ARSB: variants seen among roughly 807,000 people sequenced by gnomAD.
The protein encoded by ARSB is arylsulfatase B, also known as N-acetylgalactosamine-4-sulfatase.
In ARSB, 41 loss-of-function variants were observed where a neutral mutation model predicts 50.9. The ratio of observed to expected loss-of-function variants is 0.81; its 90% CI spans 0.63 to 1.04. ARSB has a LOEUF of 1.04. Among genes scored for constraint, ARSB ranks in the 50% least tolerant of loss-of-function variants. The pLI is 0.00. For missense variants in ARSB, 672 were observed against 693.3 expected (o/e 0.97, Z 0.35); for synonymous variants, 269 against 284.8 (o/e 0.94, Z 0.56).
At chr5:78,968,971 C>T (rs751469683) in intron 2 of ARSB, 35 bp downstream of exon 2, 2 of 1,610,616 alleles carry the variant, frequency 1.2e-6, no homozygotes, top group Non-Finnish European at 8.5e-7. Flanking sequence ...TGCAGTTAGT[C>T]TAAGTTGTTA....
intron 4 of ARSB, among the ~76,000 whole-genome samples, chr5:78,891,469 T>A (rs1358089731): frequency 5.9e-5 from 9 of 152,168 alleles, no homozygotes; most frequent in African/African-American, 2.2e-4. Context: ...CTTTAACACA[T>A]CTTTCTTGAG....
intron 4 of ARSB, among the ~76,000 whole-genome samples, chr5:78,930,103 A>C (rs1750252789): frequency 6.6e-6 from 1 of 152,124 alleles, no homozygotes; most frequent in African/African-American, 2.4e-5. Context: ...CCCACTACTC[A>C]GCCTGCTCTA....
intron 4 of ARSB, among the ~76,000 whole-genome samples, chr5:78,912,102 A>T (rs1367916414): frequency 6.6e-6 from 1 of 152,218 alleles, no homozygotes; most frequent in Non-Finnish European, 1.5e-5. Context: ...GGCTTTCATC[A>T]ATTCTGAAAC....
intron 6 of ARSB, among the ~76,000 whole-genome samples, chr5:78,800,778 T>C (rs1228298103): frequency 6.6e-6 from 1 of 152,178 alleles, no homozygotes; most frequent in Non-Finnish European, 1.5e-5. Context: ...CATTAATTAC[T>C]TTGAAGAGTA....
At chr5:78,903,028 A>T (rs1480680222) in intron 4 of ARSB, among the ~76,000 whole-genome samples, 1 of 152,240 alleles carries the variant, frequency 6.6e-6, no homozygotes, top group Admixed American at 6.5e-5. Context: ...AACAGAGAAT[A>T]GGTCTTAGAA....
In ARSB at chr5:78,818,862, T is replaced by C. The variant is rs901798709; in HGVS notation, c.1213+20494A>G. 3.3e-5 allele frequency among the ~76,000 whole-genome samples: 5 copies of C among 152,212 alleles called. No individual in the cohort carries two copies. In the East Asian group the frequency reaches 5.8e-4, roughly 18 times the overall value. On this transcript the variant is annotated intron_variant, in intron 6 of 7. Coordinates refer to ENST00000264914, the MANE Select transcript of ARSB (RefSeq NM_000046.5). ...TTAAGCAACCTTGCTCAATCCTCTTTTTAGGACTAACTTGATTCTGTTTTG... is the reference window on the plus strand; with the variant it reads ...TTAAGCAACCTTGCTCAATCCTCTTCTTAGGACTAACTTGATTCTGTTTTG...
chr5:78,819,397 CTG>C (rs1744124383), intron 6 of ARSB, among the ~76,000 whole-genome samples: 1 of 152,174 alleles, frequency 6.6e-6, no homozygotes. Context: ...GACAAAAAGA[CTG>C]TGGGTGGGAA....
intron 4 of ARSB, among the ~76,000 whole-genome samples, chr5:78,906,385 T>C (rs1196059390): frequency 6.6e-6 from 1 of 152,032 alleles, no homozygotes; most frequent in East Asian, 1.9e-4. Flanking sequence ...CCCATATTCT[T>C]GAGCAAGAGC....
At chr5:78,910,092 C>T (rs1042121848) in intron 4 of ARSB, among the ~76,000 whole-genome samples, 23 of 152,360 alleles carry the variant, frequency 1.5e-4, no homozygotes, top group Middle Eastern at 3.4e-3. Flanking sequence ...ACACAGATTC[C>T]TTTGCTCACA....
intron 4 of ARSB, among the ~76,000 whole-genome samples, chr5:78,917,858 G>A (rs1749630646): frequency 6.6e-6 from 1 of 152,106 alleles, no homozygotes; most frequent in Admixed American, 6.5e-5. Context: ...GGTTCAAGGG[G>A]GAATCAAGGA....
In ARSB at chr5:78,778,262, T is replaced by C. The variant is rs983366109; in HGVS notation, c.*2135A>G. 1.3e-5 allele frequency: 2 copies of C among 152,226 alleles called. No individual in the cohort carries two copies. Among genetic ancestry groups the C allele is most frequent in the Admixed American group, 6.5e-5 (1 of 15,284 alleles). 9.4% of individuals were successfully genotyped at this position (152,226 alleles called of 1,614,324 possible). On this transcript the variant is annotated 3_prime_UTR_variant, in exon 8 of 8. Transcript: ENST00000264914. ...GGGAGGTGATGGCAGTTTGGTCAGC[T>C]GTTTGCCAACCCAGGAGTTGGGTAA... is the stretch of plus-strand genomic sequence containing the variant.
intron 1 of ARSB, 74 bp from the exon 2 acceptor site, chr5:78,969,266 T>C: frequency 1.3e-6 from 2 of 1,495,924 alleles, no homozygotes; most frequent in Non-Finnish European, 1.9e-6. Flanking sequence ...AATGGCCTTC[T>C]ACCTTACTGA....
intron 5 of ARSB, among the ~76,000 whole-genome samples, chr5:78,879,678 GC>G (rs1473319793): frequency 2.0e-5 from 3 of 152,160 alleles, no homozygotes; most frequent in Admixed American, 1.3e-4. Flanking sequence ...CTGACATTTG[GC>G]TGTCCATTTG....
chr5:78,828,629 T>C (rs115516557), intron 6 of ARSB, among the ~76,000 whole-genome samples: 83 of 152,006 alleles, frequency 5.5e-4, no homozygotes, highest in African/African-American at 2.0e-3. Flanking sequence ...GTTATCTGAT[T>C]TTCTTTTAAC....
chr5:78,976,319 C>T (rs1230872551), intron 1 of ARSB, among the ~76,000 whole-genome samples: 1 of 121,426 alleles, frequency 8.2e-6, no homozygotes, highest in African/African-American at 3.1e-5. Flanking sequence ...CAGAGTCTCA[C>T]TCTGTCACCT....
In ARSB at chr5:78,943,432, T is replaced by C. The variant is rs1047546189; in HGVS notation, c.898+11863A>G. ...GGCTGGTATCAGTTGTTCCTTTCCA[T>C]GTTTAGTGCTTCCTTCAGGAGCTCT... is the stretch of plus-strand genomic sequence containing the variant. On this transcript the variant is annotated intron_variant, in intron 4 of 7. Transcript: ENST00000264914. 3.3e-5 allele frequency among the ~76,000 whole-genome samples: 5 copies of C among 152,346 alleles called. No individual in the cohort carries two copies. In the East Asian group the frequency reaches 5.8e-4, roughly 18 times the overall value.
intron 6 of ARSB, among the ~76,000 whole-genome samples, chr5:78,795,600 A>G (rs1743147635): frequency 6.6e-6 from 1 of 152,228 alleles, no homozygotes; most frequent in South Asian, 2.1e-4. Flanking sequence ...GTTTTCTGTT[A>G]GACCCTCACT....
At chr5:78,874,264 G>A (rs982427336) in intron 5 of ARSB, among the ~76,000 whole-genome samples, 1 of 152,156 alleles carries the variant, frequency 6.6e-6, no homozygotes, top group Non-Finnish European at 1.5e-5. Context: ...GAAGTGGATG[G>A]GTGGTCAGTA....
upstream of ARSB, chr5:78,985,918 C>G (rs1189884128): frequency 6.6e-6 from 1 of 152,292 alleles, no homozygotes; most frequent in East Asian, 1.9e-4. Flanking sequence ...GCACGGTGCC[C>G]TTTGGAAGGT....
Sources: allele counts gnomAD v4.1 joint callset (sites outside exome capture counted in the v4.1 genomes callset), GRCh38; gene constraint gnomAD v4.1.1; transcripts MANE v1.5; gene names NCBI Gene and HGNC (gene_info 2026-07-23, HGNC 2026-07-21).